Variants in IL1RAPL1 observed in about 807,000 individuals in gnomAD.
The protein encoded by IL1RAPL1 is interleukin 1 receptor accessory protein like 1.
A neutral mutation model predicts 48.4 loss-of-function variants in IL1RAPL1; 3 were observed. The observed-to-expected ratio is 0.06, with a 90% CI of 0.03 to 0.16. IL1RAPL1 has a LOEUF of 0.16. Ranked by LOEUF, IL1RAPL1 falls within the 10% of genes least tolerant of loss-of-function variation. The pLI is 1.00. For missense variants in IL1RAPL1, 349 were observed against 530.6 expected (o/e 0.66, Z 3.36); for synonymous variants, 185 against 187.7 (o/e 0.99, Z 0.12).
intron 2 of IL1RAPL1, among the ~76,000 whole-genome samples, chrX:28,974,454 T>G (rs1051556787): frequency 8.9e-6 from 1 of 111,952 alleles, no homozygotes; most frequent in Non-Finnish European, 1.9e-5. Flanking sequence ...ATTCTTGAAG[T>G]TTTGACAGAG....
chrX:29,401,876 C>T (rs947141950), intron 5 of IL1RAPL1, among the ~76,000 whole-genome samples: 2 of 110,402 alleles, frequency 1.8e-5, no homozygotes, highest in African/African-American at 6.6e-5. Flanking sequence ...CTGTCCAGCA[C>T]TTTTGGTATT....
At chrX:29,287,306 G>A (rs1932298783) in intron 3 of IL1RAPL1, among the ~76,000 whole-genome samples, 1 of 111,467 alleles carries the variant, frequency 9.0e-6, no homozygotes, top group Non-Finnish European at 1.9e-5. Context: ...CCATGGTATG[G>A]ACTACCACCA....
chrX:29,413,130 T>C (rs1934166138), intron 5 of IL1RAPL1, among the ~76,000 whole-genome samples: 1 of 110,703 alleles, frequency 9.0e-6, no homozygotes, highest in Non-Finnish European at 1.9e-5. Context: ...CTGATAGGTT[T>C]AGAAAAAGGG....
intron 6 of IL1RAPL1, among the ~76,000 whole-genome samples, chrX:29,789,978 T>A (rs1251835286): frequency 9.0e-6 from 1 of 110,862 alleles, no homozygotes; most frequent in Non-Finnish European, 1.9e-5. Flanking sequence ...TTGGACAGAA[T>A]GATGATATCT....
chrX:28,619,537 G>A, intron 1 of IL1RAPL1, among the ~76,000 whole-genome samples: 1 of 105,382 alleles, frequency 9.5e-6, no homozygotes, highest in South Asian at 4.4e-4. Flanking sequence ...AGCCCAGGAG[G>A]CAGAGATTGC....
chrX:29,045,952 CCTCCTCCTCCTCCTTCTT>C (rs1569225913), intron 2 of IL1RAPL1, among the ~76,000 whole-genome samples: 41 of 79,502 alleles, frequency 5.2e-4, no homozygotes, highest in South Asian at 8.3e-4. Context: ...TCCTCCTCCT[CCTCCTCCTCCTCCTTCTT>C]CTCCTCCTTC....
chrX:28,598,153 C>T (rs969876059), intron 1 of IL1RAPL1, among the ~76,000 whole-genome samples: 13 of 111,825 alleles, frequency 1.2e-4, no homozygotes, highest in African/African-American at 3.9e-4. Context: ...ATATTGCTTT[C>T]GAGTAGAATG....
At chrX:29,510,747 C>G (rs1203645403) in intron 5 of IL1RAPL1, among the ~76,000 whole-genome samples, 1 of 111,756 alleles carries the variant, frequency 8.9e-6, no homozygotes, top group East Asian at 2.8e-4. Flanking sequence ...CAAACACTTT[C>G]TTCTAGTCAT....
At chrX:28,691,843 G>A (rs1935181688) in intron 1 of IL1RAPL1, among the ~76,000 whole-genome samples, 1 of 111,650 alleles carries the variant, frequency 9.0e-6, no homozygotes, top group Non-Finnish European at 1.9e-5. Context: ...TATTCAGACA[G>A]TGTCTAAGTT....
intron 1 of IL1RAPL1, among the ~76,000 whole-genome samples, chrX:28,721,380 C>T (rs1467878379): frequency 8.9e-6 from 1 of 112,176 alleles, no homozygotes; most frequent in African/African-American, 3.2e-5. Flanking sequence ...CTGTTGGCTG[C>T]ATAAATGTCT....
intron 2 of IL1RAPL1, among the ~76,000 whole-genome samples, chrX:28,798,283 A>G (rs12849455): frequency 0.095 from 10,562 of 111,588 alleles, 441 homozygotes; most frequent in Middle Eastern, 0.26. Context: ...CACGTGATCC[A>G]TAAGGTGGCT....
At chrX:29,446,918 T>A (rs1934618984) in intron 5 of IL1RAPL1, among the ~76,000 whole-genome samples, 1 of 111,489 alleles carries the variant, frequency 9.0e-6, no homozygotes, top group Admixed American at 9.6e-5. Flanking sequence ...AAAAAGTGAT[T>A]AAATATTCAT....
At chrX:29,447,607 A>G (rs1466290300) in intron 5 of IL1RAPL1, among the ~76,000 whole-genome samples, 1 of 112,246 alleles carries the variant, frequency 8.9e-6, no homozygotes. Flanking sequence ...AGGATTCAAC[A>G]TAAGGCAGGT....
At chrX:29,802,073 G>A (rs192714747) in intron 6 of IL1RAPL1, among the ~76,000 whole-genome samples, 27 of 112,056 alleles carry the variant, frequency 2.4e-4, no homozygotes, top group African/African-American at 8.1e-4. Context: ...AAAGGTCTAC[G>A]TGTTCATGTG....
intron 5 of IL1RAPL1, among the ~76,000 whole-genome samples, chrX:29,554,766 A>G (rs1196057307): frequency 9.0e-6 from 1 of 111,524 alleles, no homozygotes; most frequent in East Asian, 2.8e-4. Context: ...GCTTTCTTCA[A>G]AAATTGCCTC....
At chrX:28,757,717 A>G (rs1342718411) in intron 1 of IL1RAPL1, among the ~76,000 whole-genome samples, 1 of 112,076 alleles carries the variant, frequency 8.9e-6, no homozygotes, top group Non-Finnish European at 1.9e-5. Flanking sequence ...CAATTTGCCC[A>G]AAGGTGCTAT....
chrX:29,784,316 C>G (rs767292414), intron 6 of IL1RAPL1, among the ~76,000 whole-genome samples: 1 of 111,512 alleles, frequency 9.0e-6, no homozygotes, highest in Admixed American at 9.5e-5. Context: ...TACTAGATAT[C>G]CCATCACTAA....
At position 28,888,543 on chromosome X, in the gene IL1RAPL1, A is replaced by G. The variant is rs1922698565; in HGVS notation, c.82+99118A>G. Among the ~76,000 whole-genome samples, 3 of 111,561 alleles carry G rather than the reference A, an allele frequency of 2.7e-5. No homozygotes were observed. In the South Asian group the frequency reaches 1.1e-3, roughly 42 times the overall value. ...AAAGTGAGTGTAACACAGCAAGAAC[A>G]TTTACCATTTCCACCATGTTTCATC... On this transcript the variant is annotated intron_variant, in intron 2 of 10. Coordinates refer to ENST00000378993, the MANE Select transcript of IL1RAPL1 (RefSeq NM_014271.4).
chrX:29,654,703 C>G (rs1269226952), intron 5 of IL1RAPL1, among the ~76,000 whole-genome samples: 2 of 111,560 alleles, frequency 1.8e-5, no homozygotes, highest in Admixed American at 9.5e-5. Context: ...GGGGACACAG[C>G]CAAACCATAT....
Sources: allele counts gnomAD v4.1 joint callset (sites outside exome capture counted in the v4.1 genomes callset), GRCh38; gene constraint gnomAD v4.1.1; transcripts MANE v1.5; gene names NCBI Gene and HGNC (gene_info 2026-07-23, HGNC 2026-07-21).